The following SMYD2 variants were observed in gnomAD, a reference collection of about 807,000 sequenced individuals.
The protein encoded by SMYD2 is SET and MYND domain containing 2, also known as N-lysine methyltransferase SMYD2.
In SMYD2, 53 loss-of-function variants were observed where a neutral mutation model predicts 59.1. The ratio of observed to expected loss-of-function variants is 0.90; its 90% confidence interval spans 0.72 to 1.13. The LOEUF is 1.13. Among genes scored for constraint, SMYD2 ranks in the 50% most tolerant of loss-of-function variants. The pLI is 0.00. For missense variants in SMYD2, 494 were observed against 544.7 expected (o/e 0.91, Z 0.93); for synonymous variants, 208 against 198.8 (o/e 1.05, Z -0.39).
At chr1:214,301,493 T>C (rs1221880313) in intron 1 of SMYD2, among the ~76,000 whole-genome samples, 1 of 152,158 alleles carries the variant, frequency 6.6e-6, no homozygotes, top group African/African-American at 2.4e-5. Flanking sequence ...TCCTGAAAAT[T>C]GACTCATTTT....
chr1:214,301,859 A>G (rs769849230), intron 1 of SMYD2, among the ~76,000 whole-genome samples: 72 of 151,946 alleles, frequency 4.7e-4, no homozygotes, highest in South Asian at 2.7e-3. Flanking sequence ...GTGCTCTTCC[A>G]TGAGATACCC....
At chr1:214,303,752 A>G (rs370564471) in intron 1 of SMYD2, among the ~76,000 whole-genome samples, 6 of 152,276 alleles carry the variant, frequency 3.9e-5, no homozygotes, top group African/African-American at 9.6e-5. Flanking sequence ...CAGCGTGACA[A>G]TATGTATATC....
In SMYD2 at chr1:214,319,518, A is replaced by T. The variant is rs145734133; in HGVS notation, c.534+535A>T. On this transcript the variant is annotated intron_variant, in intron 5 of 11. Transcript: ENST00000366957. ...TAAGAAATCTTGTTTAGAGAAGTCT[A>T]GGTTTACCAAAATCAGATCTAAGGA... 1.8e-4 allele frequency among the ~76,000 whole-genome samples: 27 copies of T among 152,316 alleles called. No homozygotes were observed. In the East Asian group the frequency reaches 5.2e-3, roughly 29 times the overall value.
rs36187427 is a variant in SMYD2 at position 214,287,586 on chromosome 1, C to CAA, written c.173+6180_173+6181dup. Among the ~76,000 whole-genome samples, 701 of 75,396 alleles carry CAA rather than the reference C, an allele frequency of 9.3e-3. 58 individuals carry two copies. The highest frequency in any genetic ancestry group is 0.033 in the African/African-American group (597 of 18,180). 49.5% of individuals were successfully genotyped at this position (75,396 alleles called of 152,430 possible). On this transcript the variant is annotated intron_variant, in intron 1 of 11. Transcript: ENST00000366957. Reference sequence around the variant, plus strand: ...TGGGAGACAGAGTTAGACTATGTCTCAAAAAAAAAAAAAAAAAAAAAAGAT... The same window carrying CAA: ...TGGGAGACAGAGTTAGACTATGTCTCAAAAAAAAAAAAAAAAAAAAAAAAGAT...
chr1:214,297,596 A>G (rs1656755494), intron 1 of SMYD2, among the ~76,000 whole-genome samples: 1 of 152,210 alleles, frequency 6.6e-6, no homozygotes, highest in Non-Finnish European at 1.5e-5. Flanking sequence ...CAGTGCAGGT[A>G]CCAGCTCAGC....
intron 1 of SMYD2, among the ~76,000 whole-genome samples, chr1:214,292,617 G>T (rs573449921): frequency 1.2e-4 from 19 of 152,174 alleles, no homozygotes; most frequent in South Asian, 4.2e-4. Context: ...CTTACTAGTG[G>T]CCCTTTGCAT....
At chr1:214,306,544 ATAAATGGAGCTTG>A (rs1352716803) in intron 2 of SMYD2, among the ~76,000 whole-genome samples, 2 of 152,212 alleles carry the variant, frequency 1.3e-5, no homozygotes, top group Non-Finnish European at 2.9e-5. Context: ...CAGTGAGAAT[ATAAATGGAGCTTG>A]TAGTTGAGTT....
At chr1:214,284,475 G>T (rs1008005397) in intron 1 of SMYD2, among the ~76,000 whole-genome samples, 1 of 151,528 alleles carries the variant, frequency 6.6e-6, no homozygotes, top group Admixed American at 6.6e-5. Flanking sequence ...GGTCAGGCTG[G>T]TCTCAAACTC....
rs367757415 is a variant in SMYD2 at position 214,281,457 on chromosome 1, G to A, written c.173+30G>A. 2,384 of 1,363,634 alleles carry A rather than the reference G, an allele frequency of 1.7e-3. 26 individuals are homozygous for A. The highest frequency in any genetic ancestry group is 0.014 in the Admixed American group (444 of 31,618). 84.5% of individuals were successfully genotyped at this position (1,363,634 alleles called of 1,614,324 possible). ...GGCGGCGGCGGCGGCGGCGGCGGGC[G>A]GGAGCCGGGGGCGCCGAGCGGGAGG... On this transcript the variant is annotated intron_variant, in intron 1 of 11. Coordinates refer to ENST00000366957, the MANE Select transcript of SMYD2 (RefSeq NM_020197.3).
Position 214,330,946 on chromosome 1 carries a change from T to C in SMYD2, c.817-4T>C, listed in dbSNP as rs771242631. The C allele has an allele frequency of 6.2e-7, 1 of 1,614,068 alleles. No homozygotes were observed. Among genetic ancestry groups the C allele is most frequent in the Non-Finnish European group, 8.5e-7 (1 of 1,180,004 alleles). ...CGCCTTGCCCTTGTGGACGTTTCCT[T>C]CAGGATAAGGCCAAGGTGGAAATCC... On this transcript the variant is annotated splice_polypyrimidine_tract_variant and splice_region_variant and intron_variant, in intron 8 of 11. Transcript: ENST00000366957.
chr1:214,314,770 T>C lies in SMYD2; in HGVS notation c.246T>C (p.Asp82=). The part of the protein sequence containing the change: ...FYCNVECQKE[D]WPMHKLECSP... ...TTTTTCAATCTTCCCAGAAAGAAGA[T>C]TGGCCCATGCACAAGCTGGAATGTT... The change falls in exon 3 of 12, where the codon GAT becomes GAC. Residue 82 remains aspartate (D), a synonymous_variant. Coordinates refer to ENST00000366957, the MANE Select transcript of SMYD2 (RefSeq NM_020197.3). 2 of 1,613,510 alleles carry C rather than the reference T, an allele frequency of 1.2e-6. No homozygotes were observed. Among genetic ancestry groups the C allele is most frequent in the Non-Finnish European group, 8.5e-7 (1 of 1,179,548 alleles).
At chr1:214,321,046 G>T (rs1419868390) in intron 5 of SMYD2, among the ~76,000 whole-genome samples, 1 of 152,144 alleles carries the variant, frequency 6.6e-6, no homozygotes, top group Non-Finnish European at 1.5e-5. Flanking sequence ...TATGGAAAAA[G>T]ATAGCTTTTC....
chr1:214,306,799 G>C (rs1425558408), intron 2 of SMYD2, among the ~76,000 whole-genome samples: 1 of 152,212 alleles, frequency 6.6e-6, no homozygotes, highest in Non-Finnish European at 1.5e-5. Flanking sequence ...ATGTAGTTCA[G>C]ATCATACAGC....
intron 1 of SMYD2, among the ~76,000 whole-genome samples, chr1:214,299,482 T>TATATATATATATATATATATAC (rs751839365): frequency 4.4e-5 from 2 of 45,868 alleles, no homozygotes; most frequent in African/African-American, 1.3e-4. Flanking sequence ...TATATATATA[T>TATATATATATATATATATATAC]ACACCATAGA....
intron 5 of SMYD2, among the ~76,000 whole-genome samples, chr1:214,321,430 T>C (rs1001044589): frequency 1.3e-5 from 2 of 152,206 alleles, no homozygotes; most frequent in African/African-American, 4.8e-5. Context: ...ATATGTAAAT[T>C]TGAAAGGGGA....
chr1:214,334,197 T>C lies in SMYD2; in HGVS notation c.1113-3T>C, dbSNP rs1473343448. On this transcript the variant is annotated splice_region_variant and splice_polypyrimidine_tract_variant and intron_variant, in intron 10 of 11. Coordinates refer to ENST00000366957, the MANE Select transcript of SMYD2 (RefSeq NM_020197.3). ...TGGCCTGTTGTCTCTTCTCTTGTTC[T>C]AGTAAGCACTATCCTTTGTACTCCC... The C allele has an allele frequency of 6.2e-7, 1 of 1,612,910 alleles. No individual in the cohort carries two copies. The highest frequency in any genetic ancestry group is 1.7e-5 in the Admixed American group (1 of 60,010).
intron 1 of SMYD2, among the ~76,000 whole-genome samples, chr1:214,295,378 A>G (rs990985606): frequency 2.7e-5 from 4 of 147,970 alleles, no homozygotes; most frequent in African/African-American, 7.6e-5. Flanking sequence ...TTTCTCTCCT[A>G]TATTCATAAG....
chr1:214,291,931 T>TTTTG (rs542113882), intron 1 of SMYD2, among the ~76,000 whole-genome samples: 13 of 152,310 alleles, frequency 8.5e-5, no homozygotes, highest in East Asian at 1.9e-4. Flanking sequence ...CCTTTAGGGT[T>TTTTG]TTTGTTTGTT....
chr1:214,281,476 C>T lies in SMYD2; in HGVS notation c.173+49C>T, dbSNP rs768219709. ...GCGGGCGGGAGCCGGGGGCGCCGAG[C>T]GGGAGGCTTGGACGGCGGCGCCAGG... On this transcript the variant is annotated intron_variant, in intron 1 of 11. Transcript: ENST00000366957. 16 of 1,270,466 alleles carry T rather than the reference C, an allele frequency of 1.3e-5. No homozygotes were observed. The East Asian group carries it at 5.0e-4, about 40-fold the overall frequency. 78.7% of individuals were successfully genotyped at this position (1,270,466 alleles called of 1,614,324 possible). A position where few individuals can be genotyped will look rare whatever the true frequency, so the allele number is the denominator to read the frequency against.
Sources: gnomAD v4.1 joint callset for allele counts (sites outside exome capture counted in the v4.1 genomes callset) on GRCh38, gnomAD v4.1.1 for gene constraint, MANE v1.5 for transcripts, NCBI Gene and HGNC (gene_info 2026-07-23, HGNC 2026-07-21) for gene names.